The following SLC4A10 variants were observed in gnomAD, a reference collection of about 807,000 sequenced individuals.
SLC4A10 encodes sodium-driven chloride bicarbonate exchanger.
In SLC4A10, 42 loss-of-function variants were observed where a neutral mutation model predicts 137.7. That is an observed-to-expected ratio of 0.30 (90% confidence interval 0.24 to 0.39). SLC4A10 has a LOEUF of 0.39. Ranked by LOEUF, SLC4A10 falls within the 10% of genes least tolerant of loss-of-function variation. SLC4A10 has a pLI of 1.00. For synonymous variants in SLC4A10, 474 were observed against 464.1 expected (o/e 1.02, Z -0.27); for missense variants, 925 against 1,355.0 (o/e 0.68, Z 4.98).
Position 161,856,463 on chromosome 2 carries a change from T to G in SLC4A10, c.577+1333T>G, listed in dbSNP as rs190963452. 8.2e-4 allele frequency among the ~76,000 whole-genome samples: 125 copies of G among 151,578 alleles called. 1 individual carries two copies. Among genetic ancestry groups the G allele is most frequent in the South Asian group, 1.2e-3 (6 of 4,812 alleles). Reference sequence around the variant, plus strand: ...GTTTCATGTAACACCTATAAAGAGATTATTCTTTAAGTTACATAGCTAGAG... The same window carrying G: ...GTTTCATGTAACACCTATAAAGAGAGTATTCTTTAAGTTACATAGCTAGAG... On this transcript the variant is annotated intron_variant, in intron 5 of 26. Coordinates refer to ENST00000446997, the MANE Select transcript of SLC4A10 (RefSeq NM_001178015.2).
intron 1 of SLC4A10, among the ~76,000 whole-genome samples, chr2:161,630,159 A>G (rs1487701317): frequency 6.6e-6 from 1 of 151,884 alleles, no homozygotes; most frequent in Non-Finnish European, 1.5e-5. Context: ...GCAATGAATG[A>G]GAGTTCCTCT....
chr2:161,648,589 G>A (rs948393180), intron 1 of SLC4A10, among the ~76,000 whole-genome samples: 20 of 152,116 alleles, frequency 1.3e-4, no homozygotes, highest in African/African-American at 2.9e-4. Flanking sequence ...TAAGGTTTCC[G>A]TTGATCACCA....
intron 2 of SLC4A10, among the ~76,000 whole-genome samples, chr2:161,784,191 A>G (rs913353396): frequency 7.2e-5 from 11 of 151,926 alleles, no homozygotes; most frequent in African/African-American, 2.2e-4. Context: ...ATATATAACA[A>G]TTGTAAGTAG....
intron 1 of SLC4A10, among the ~76,000 whole-genome samples, chr2:161,747,801 A>G (rs1312077210): frequency 1.3e-5 from 2 of 152,150 alleles, no homozygotes; most frequent in Non-Finnish European, 2.9e-5. Context: ...TTTTCTTTGA[A>G]TGTACACCTG....
At chr2:161,922,539 G>A (rs1253011691) in intron 15 of SLC4A10, among the ~76,000 whole-genome samples, 5 of 152,050 alleles carry the variant, frequency 3.3e-5, no homozygotes, top group African/African-American at 1.2e-4. Context: ...TGGTTCTGAA[G>A]GGTAATGTAG....
At chr2:161,660,281 C>T (rs1391397927) in intron 1 of SLC4A10, among the ~76,000 whole-genome samples, 2 of 152,230 alleles carry the variant, frequency 1.3e-5, no homozygotes, top group Non-Finnish European at 1.5e-5. Context: ...AAGTTATATT[C>T]TAGCATTCTG....
chr2:161,729,893 C>G (rs1446857215), intron 1 of SLC4A10, among the ~76,000 whole-genome samples: 1 of 152,178 alleles, frequency 6.6e-6, no homozygotes, highest in Admixed American at 6.5e-5. Context: ...TTGGTTTTCA[C>G]TGGTCCTCTT....
rs2054792870 is a variant in SLC4A10, at chr2:161,796,551, T to TA, written c.131-7896dup. ...CTTCAAACCTCTGTGTCACATTTGC[T>TA]AATGCCCCATTGATCCAGATTCAAG... On this transcript the variant is annotated intron_variant, in intron 2 of 26. Coordinates refer to ENST00000446997, the MANE Select transcript of SLC4A10 (RefSeq NM_001178015.2). 3.3e-5 allele frequency among the ~76,000 whole-genome samples: 5 copies of TA among 152,320 alleles called. No homozygotes were observed. The South Asian group carries it at 1.0e-3, about 32-fold the overall frequency.
chr2:161,703,324 A>G (rs1384717624), intron 1 of SLC4A10, among the ~76,000 whole-genome samples: 1 of 151,742 alleles, frequency 6.6e-6, no homozygotes, highest in African/African-American at 2.4e-5. Context: ...TCTATTTGAT[A>G]GAATACCAGT....
chr2:161,637,666 G>A (rs1372094212), intron 1 of SLC4A10, among the ~76,000 whole-genome samples: 1 of 152,034 alleles, frequency 6.6e-6, no homozygotes. Flanking sequence ...GGATTGTTGG[G>A]TCATATGACA....
At chr2:161,874,103 C>G in intron 8 of SLC4A10, 98 bp downstream of exon 8, 1 of 1,174,584 alleles carries the variant, frequency 8.5e-7, no homozygotes, top group Non-Finnish European at 1.2e-6. Context: ...GAAATGTATT[C>G]CATCTGCCAC....
At chr2:161,816,605 A>G (rs1388700559) in intron 3 of SLC4A10, among the ~76,000 whole-genome samples, 1 of 150,710 alleles carries the variant, frequency 6.6e-6, no homozygotes, top group Non-Finnish European at 1.5e-5. Context: ...CATTAGGTAT[A>G]TCTCCCAATG....
chr2:161,715,660 A>C (rs2044778083), intron 1 of SLC4A10, among the ~76,000 whole-genome samples: 1 of 152,080 alleles, frequency 6.6e-6, no homozygotes, highest in Non-Finnish European at 1.5e-5. Flanking sequence ...ATCCCTGTAA[A>C]AGACATGATC....
chr2:161,873,078 T>A (rs1203746864), intron 7 of SLC4A10, among the ~76,000 whole-genome samples: 2 of 152,124 alleles, frequency 1.3e-5, no homozygotes, highest in African/African-American at 4.8e-5. Flanking sequence ...CTTCTATTTG[T>A]GGGAAAGCAA....
chr2:161,641,155 G>A (rs2035268145), intron 1 of SLC4A10, among the ~76,000 whole-genome samples: 1 of 152,056 alleles, frequency 6.6e-6, no homozygotes, highest in South Asian at 2.1e-4. Flanking sequence ...AGGTATTTCA[G>A]TGTCTTATCC....
At chr2:161,677,664 T>C (rs2040411658) in intron 1 of SLC4A10, among the ~76,000 whole-genome samples, 1 of 152,170 alleles carries the variant, frequency 6.6e-6, no homozygotes, top group African/African-American at 2.4e-5. Context: ...TGCACAAGTC[T>C]CTATCTTAGG....
At chr2:161,667,630 A>C (rs1350265845) in intron 1 of SLC4A10, among the ~76,000 whole-genome samples, 7 of 151,740 alleles carry the variant, frequency 4.6e-5, no homozygotes, top group Non-Finnish European at 1.0e-4. Flanking sequence ...TACCTATCAC[A>C]ATGAGTTGTA....
intron 5 of SLC4A10, among the ~76,000 whole-genome samples, chr2:161,856,174 T>C (rs1398795091): frequency 1.3e-5 from 2 of 152,048 alleles, no homozygotes; most frequent in African/African-American, 2.4e-5. Flanking sequence ...CTACAACTGC[T>C]GTCTGAAGAA....
chr2:161,770,907 G>T (rs1461559566), intron 1 of SLC4A10, 66 bp from the exon 2 acceptor site: 3 of 1,115,492 alleles, frequency 2.7e-6, no homozygotes, highest in Non-Finnish European at 3.9e-6. Flanking sequence ...TTATATCAAG[G>T]TTTGTTTTTT....
Sources: gnomAD v4.1 joint callset for allele counts (sites outside exome capture counted in the v4.1 genomes callset) on GRCh38, gnomAD v4.1.1 for gene constraint, MANE v1.5 for transcripts, NCBI Gene and HGNC (gene_info 2026-07-23, HGNC 2026-07-21) for gene names.